WAC: variants seen among roughly 807,000 people sequenced by gnomAD.
WAC encodes the protein WW domain-containing adapter protein with coiled-coil.
Under a neutral mutation model 79.6 loss-of-function variants are expected in WAC, and 11 were observed. The ratio of observed to expected loss-of-function variants is 0.14; its 90% CI spans 0.09 to 0.23. The LOEUF is 0.23. WAC is among the 10% of genes least tolerant of loss of function. The probability of loss-of-function intolerance (pLI) is 1.00; values close to 1 mark genes in which losing one functional copy is unlikely to be tolerated. For synonymous variants in WAC, 304 were observed against 276.9 expected (o/e 1.10, Z -0.97); for missense variants, 728 against 773.5 (o/e 0.94, Z 0.70).
At chr10:28,609,539 C>T (rs988316596) in intron 8 of WAC, among the ~76,000 whole-genome samples, 13 of 152,162 alleles carry the variant, frequency 8.5e-5, no homozygotes, top group African/African-American at 1.2e-4. Flanking sequence ...TCTCTAACCA[C>T]GCAGTTCTCT....
chr10:28,618,177 G>A (rs1429919958), intron 13 of WAC: 9 of 158,028 alleles, frequency 5.7e-5, no homozygotes, highest in African/African-American at 1.9e-4. Flanking sequence ...AGCAAGTTTA[G>A]TGTATCTGCT....
At chr10:28,552,602 A>G (rs1319808369) in intron 3 of WAC, among the ~76,000 whole-genome samples, 4 of 152,162 alleles carry the variant, frequency 2.6e-5, no homozygotes, top group Middle Eastern at 3.2e-3. Context: ...AAAACTGAAA[A>G]TTTTGAATCA....
At chr10:28,568,484 A>G (rs1031276132) in intron 3 of WAC, among the ~76,000 whole-genome samples, 8 of 151,702 alleles carry the variant, frequency 5.3e-5, no homozygotes, top group Non-Finnish European at 1.2e-4. Context: ...GGGTTCAAGC[A>G]ATTTTCCTGT....
At chr10:28,598,466 G>C (rs587200) in intron 7 of WAC, among the ~76,000 whole-genome samples, 1 of 152,102 alleles carries the variant, frequency 6.6e-6, no homozygotes, top group African/African-American at 2.4e-5. Flanking sequence ...TTTTCACTTA[G>C]ATTATATCCC....
Position 28,554,775 on chromosome 10 carries a change from G to A in WAC, c.274+19018G>A, listed in dbSNP as rs577315927. The stretch of plus-strand genomic sequence containing the variant: ...TGTCTTTCTACTTTTCCACCCCTCC[G>A]CTTTGCTCTTTCATTGAAGATGTTC... On this transcript the variant is annotated intron_variant, in intron 3 of 13. Coordinates refer to ENST00000354911, the MANE Select transcript of WAC (RefSeq NM_016628.5). 1.0e-3 allele frequency among the ~76,000 whole-genome samples: 155 copies of A among 152,138 alleles called. 1 individual carries two copies. Among genetic ancestry groups the A allele is most frequent in the Non-Finnish European group, 1.7e-3 (118 of 68,018 alleles).
At chr10:28,552,649 ATGT>A (rs1478734394) in intron 3 of WAC, among the ~76,000 whole-genome samples, 2 of 152,148 alleles carry the variant, frequency 1.3e-5, no homozygotes, top group Non-Finnish European at 1.5e-5. Context: ...CTGGATTCTA[ATGT>A]GTATGAGGAA....
intron 3 of WAC, among the ~76,000 whole-genome samples, chr10:28,563,909 T>A (rs962230055): frequency 6.6e-6 from 1 of 151,990 alleles, no homozygotes; most frequent in Non-Finnish European, 1.5e-5. Flanking sequence ...TAGTATACAG[T>A]ATTTTTAACA....
chr10:28,575,705 T>C (rs1382251816), intron 3 of WAC, among the ~76,000 whole-genome samples: 3 of 152,232 alleles, frequency 2.0e-5, no homozygotes, highest in East Asian at 1.9e-4. Context: ...GAGTTCTTAC[T>C]GGTAGAATTA....
In WAC at chr10:28,550,262, T is replaced by C. The variant is rs1415686732; in HGVS notation, c.274+14505T>C. Among the ~76,000 whole-genome samples the C allele has an allele frequency of 3.3e-5, 5 of 151,746 alleles. No homozygotes were observed. The East Asian group carries it at 7.7e-4, about 23-fold the overall frequency. ...CTCTGCCTTCTCTATAATCTAGTCA[T>C]GTAAAAGCACTTACCCAGTCCTAGG... On this transcript the variant is annotated intron_variant, in intron 3 of 13. Transcript: ENST00000354911.
At chr10:28,614,534 T>G in intron 10 of WAC, 33 bp from the exon 11 acceptor site, 3 of 1,552,226 alleles carry the variant, frequency 1.9e-6, no homozygotes, top group Non-Finnish European at 2.7e-6. Context: ...GGATTAGATT[T>G]GGAGACCATC....
At chr10:28,544,416 A>T (rs1343917341) in intron 3 of WAC, among the ~76,000 whole-genome samples, 1 of 152,120 alleles carries the variant, frequency 6.6e-6, no homozygotes, top group Non-Finnish European at 1.5e-5. Context: ...TAGCTAGATG[A>T]CCTAACATGC....
intron 8 of WAC, 117 bp from the exon 9 acceptor site, chr10:28,610,582 G>A: frequency 9.3e-7 from 1 of 1,071,394 alleles, no homozygotes. Flanking sequence ...CTTTTATTTT[G>A]AGAGTTCTAG....
chr10:28,545,516 A>C (rs1283036590), intron 3 of WAC, among the ~76,000 whole-genome samples: 4 of 152,152 alleles, frequency 2.6e-5, no homozygotes. Flanking sequence ...TAAAATAAAC[A>C]CTGGGTTAAT....
chr10:28,581,941 T>C (rs1839560681), intron 3 of WAC, among the ~76,000 whole-genome samples: 1 of 152,204 alleles, frequency 6.6e-6, no homozygotes, highest in Non-Finnish European at 1.5e-5. Context: ...ATTCTATCTA[T>C]ATAAGTAGAA....
intron 7 of WAC, among the ~76,000 whole-genome samples, chr10:28,599,351 T>G (rs183075148): frequency 1.2e-4 from 19 of 152,322 alleles, no homozygotes; most frequent in Admixed American, 6.5e-4. Flanking sequence ...GTCTTTGTCT[T>G]TCTTAACCAC....
At chr10:28,590,043 G>C (rs963500490) in intron 5 of WAC, among the ~76,000 whole-genome samples, 192 bp downstream of exon 5, 1 of 152,126 alleles carries the variant, frequency 6.6e-6, no homozygotes, top group Admixed American at 6.5e-5. Flanking sequence ...AAACCTGGCT[G>C]GGTGCAGTGG....
chr10:28,584,555 G>A (rs753627215), intron 4 of WAC, among the ~76,000 whole-genome samples: 1 of 152,044 alleles, frequency 6.6e-6, no homozygotes, highest in Non-Finnish European at 1.5e-5. Flanking sequence ...AAATTATCTC[G>A]GGTAGCAGTG....
chr10:28,558,864 G>A (rs1000319614), intron 3 of WAC, among the ~76,000 whole-genome samples: 3 of 152,154 alleles, frequency 2.0e-5, no homozygotes, highest in African/African-American at 7.2e-5. Context: ...GGCCCTTAGA[G>A]GTCAAGTATT....
rs779103933 is a variant in WAC at position 28,614,678 on chromosome 10, C to T, written c.1549C>T (p.Arg517Cys). ...ACCTGTCTCTCCTCGAAGTCTTCAG[C>T]GCTCAAGGTAGGTTGATATTGTATA... ...HEPVSPRSLQ[R>C]SSSQRSPSPG... Residue 517 changes from arginine (R) to cysteine (C), a missense_variant, in exon 11 of 14, where the codon CGC becomes TGC. Physicochemically the swap from Arg to Cys is radical, Grantham distance 180 (BLOSUM62 -3). Coordinates refer to ENST00000354911, the MANE Select transcript of WAC (RefSeq NM_016628.5). 1.4e-5 allele frequency: 22 copies of T among 1,612,826 alleles called. No homozygotes were observed. The highest frequency in any genetic ancestry group is 4.4e-5 in the South Asian group (4 of 91,036).
Sources: gnomAD v4.1 joint callset for allele counts (sites outside exome capture counted in the v4.1 genomes callset) on GRCh38, gnomAD v4.1.1 for gene constraint, MANE v1.5 for transcripts, NCBI Gene and HGNC (gene_info 2026-07-23, HGNC 2026-07-21) for gene names.